The following BLMH variants were observed in gnomAD, a reference collection of about 807,000 sequenced individuals.
The protein encoded by BLMH is BLM hydrolase.
A neutral mutation model predicts 61.6 loss-of-function variants in BLMH; 32 were observed. The observed-to-expected ratio is 0.52, with a 90% CI of 0.39 to 0.70. The LOEUF (loss-of-function observed/expected upper bound fraction) is 0.70. BLMH is among the 30% of genes least tolerant of loss of function. The pLI is 0.00. For synonymous variants in BLMH, 183 were observed against 193.8 expected (o/e 0.94, Z 0.46); for missense variants, 460 against 555.5 (o/e 0.83, Z 1.73).
chr17:30,290,349 T>C (rs1171219954), intron 2 of BLMH, among the ~76,000 whole-genome samples: 1 of 152,228 alleles, frequency 6.6e-6, no homozygotes, highest in Non-Finnish European at 1.5e-5. Context: ...ATCTAAACTA[T>C]GTAGGACCAC....
chr17:30,252,005 A>G (rs1597655113), intron 11 of BLMH: 2 of 152,354 alleles, frequency 1.3e-5, no homozygotes, highest in South Asian at 4.1e-4. Flanking sequence ...ATTGTTTTAC[A>G]TTTTAATGTC....
chr17:30,251,742 G>A (rs1365497508), intron 11 of BLMH, among the ~76,000 whole-genome samples: 1 of 152,110 alleles, frequency 6.6e-6, no homozygotes, highest in Admixed American at 6.5e-5. Flanking sequence ...TTTCTAGCAA[G>A]AGGGTCCCCT....
chr17:30,248,698 AAC>A lies in BLMH; in HGVS notation c.*317_*318del. 1 of 281,990 alleles carries A rather than the reference AAC, an allele frequency of 3.5e-6. No individual in the cohort carries two copies. The highest frequency in any genetic ancestry group is 1.1e-3 in the Middle Eastern group (1 of 872). The allele number at this position is 281,990 out of a possible 1,614,324, so 17.5% of individuals were successfully genotyped here. On this transcript the variant is annotated 3_prime_UTR_variant, in exon 12 of 12. Transcript: ENST00000261714. The stretch of plus-strand genomic sequence containing the variant: ...ATCGCTCGTCCTCTCGTCTTATTAA[AAC>A]ACAGACACAGAACCAAACTTTTTGA...
chr17:30,281,078 G>T (rs1260682261), intron 6 of BLMH, among the ~76,000 whole-genome samples: 4 of 142,460 alleles, frequency 2.8e-5, no homozygotes, highest in East Asian at 2.0e-4. Flanking sequence ...TTTTTTTTTT[G>T]TTGTTTCTTT....
intron 6 of BLMH, among the ~76,000 whole-genome samples, chr17:30,274,933 C>T (rs796627212): frequency 3.8e-4 from 58 of 151,468 alleles, no homozygotes; most frequent in African/African-American, 1.2e-3. Context: ...GAGCCATGAT[C>T]GTGCCACTAC....
chr17:30,256,171 GC>G (rs1252834690), intron 11 of BLMH, among the ~76,000 whole-genome samples: 1 of 152,158 alleles, frequency 6.6e-6, no homozygotes, highest in Non-Finnish European at 1.5e-5. Flanking sequence ...ACAGGGGTAA[GC>G]CACTACACCT....
At chr17:30,257,391 A>G (rs1171523832) in intron 11 of BLMH, among the ~76,000 whole-genome samples, 1 of 152,246 alleles carries the variant, frequency 6.6e-6, no homozygotes, top group African/African-American at 2.4e-5. Context: ...CAGACGACCT[A>G]GTGTGCTACC....
chr17:30,289,668 G>A (rs1441123459), intron 2 of BLMH, among the ~76,000 whole-genome samples, 186 bp from the exon 3 acceptor site: 1 of 152,134 alleles, frequency 6.6e-6, no homozygotes, highest in East Asian at 1.9e-4. Context: ...TATATGCAAA[G>A]GTTTAATATC....
At chr17:30,287,521 A>G (rs939440224) in intron 4 of BLMH, among the ~76,000 whole-genome samples, 3 of 152,202 alleles carry the variant, frequency 2.0e-5, no homozygotes, top group African/African-American at 7.2e-5. Context: ...GTGTTTCCTG[A>G]TTACATCAAT....
chr17:30,252,513 A>G (rs1484452229), intron 11 of BLMH, among the ~76,000 whole-genome samples: 2 of 134,610 alleles, frequency 1.5e-5, no homozygotes, highest in Admixed American at 8.6e-5. Context: ...CCTGGGCAAC[A>G]TGGCGAAACC....
Position 30,248,873 on chromosome 17 carries a change from A to C in BLMH, c.*144T>G, listed in dbSNP as rs1031356068. On this transcript the variant is annotated 3_prime_UTR_variant, in exon 12 of 12. Coordinates refer to ENST00000261714, the MANE Select transcript of BLMH (RefSeq NM_000386.4). ...GTTTCAGCATAAAGCACACTTTCTG[A>C]AGAGGTTCCTGGTGGAGACTGGAAA... 3.7e-5 allele frequency: 38 copies of C among 1,019,218 alleles called. No homozygotes were observed. The highest frequency in any genetic ancestry group is 4.8e-5 in the Non-Finnish European group (33 of 689,856). 63.1% of individuals were successfully genotyped at this position (1,019,218 alleles called of 1,614,324 possible).
intron 10 of BLMH, among the ~76,000 whole-genome samples, chr17:30,269,259 C>T (rs2143021534): frequency 6.8e-6 from 1 of 147,866 alleles, no homozygotes; most frequent in African/African-American, 2.5e-5. Flanking sequence ...CTCACTGCAA[C>T]CTCCGCTTCC....
At chr17:30,262,223 T>C (rs1417963882) in intron 11 of BLMH, among the ~76,000 whole-genome samples, 1 of 152,240 alleles carries the variant, frequency 6.6e-6, no homozygotes, top group Non-Finnish European at 1.5e-5. Context: ...TATATTATGA[T>C]AATTCCACAT....
Position 30,249,094 on chromosome 17 carries a change from C to T in BLMH, c.1291G>A (p.Glu431Lys). 6.2e-6 allele frequency: 10 copies of T among 1,614,110 alleles called. No individual in the cohort carries two copies. Among genetic ancestry groups the T allele is most frequent in the Non-Finnish European group, 8.5e-6 (10 of 1,179,960 alleles). Residue 431 changes from glutamate to lysine, a missense_variant, in exon 12 of 12, where the codon GAA (glutamate) becomes AAA (lysine). Transcript: ENST00000261714. Reference sequence around the variant, plus strand: ...TGCTCTAACACAGCTAGCACCTCTTCAGGGACATGCTTCCTGTCCACCACC... The same window carrying T: ...TGCTCTAACACAGCTAGCACCTCTTTAGGGACATGCTTCCTGTCCACCACC... ...EVVVDRKHVP[E>K]EVLAVLEQEP...
intron 10 of BLMH, 38 bp from the exon 11 acceptor site, chr17:30,266,992 A>G (rs754375877): frequency 1.3e-6 from 2 of 1,588,606 alleles, no homozygotes; most frequent in South Asian, 1.1e-5. Flanking sequence ...GTCTGAAGCC[A>G]GATTCTCCCT....
chr17:30,272,579 C>T lies in BLMH; in HGVS notation c.1010G>A (p.Gly337Asp). Residue 337 changes from glycine to aspartate, a missense_variant, in exon 9 of 12, where the codon GGC (glycine) becomes GAC (aspartate). By Grantham distance (94) the Gly-to-Asp change is moderately conservative. This residue lies in a region of BLMH where 310 missense variants were observed against 371.1 expected (regional missense o/e 0.84). Transcript: ENST00000261714. Reference sequence around the variant, plus strand: ...CACTCACAGATTCATGTCACTGAGGCCCAGCTTGCTATTGAAGTGTTTTCC... The same window carrying T: ...CACTCACAGATTCATGTCACTGAGGTCCAGCTTGCTATTGAAGTGTTTTCC... ...DVGKHFNSKL[G>D]LSDMNLYDHE... 2 of 1,614,162 alleles carry T rather than the reference C, an allele frequency of 1.2e-6. No homozygotes were observed. The highest frequency in any genetic ancestry group is 1.7e-6 in the Non-Finnish European group (2 of 1,180,032).
chr17:30,289,260 G>T, intron 3 of BLMH, 113 bp downstream of exon 3: 2 of 537,630 alleles, frequency 3.7e-6, no homozygotes, highest in Non-Finnish European at 6.2e-6. Flanking sequence ...AATAAAAGGT[G>T]TCTCACCTAT....
In BLMH at chr17:30,286,813, C is replaced by T; in HGVS notation, c.552+1G>A. On this transcript the variant is annotated splice_donor_variant, in intron 5 of 11. Coordinates refer to ENST00000261714, the MANE Select transcript of BLMH (RefSeq NM_000386.4). LOFTEE classifies it high-confidence loss of function. ...ATCCCACCCTGCTTCATATATTGTA[C>T]CTTGTGATTCAGAATATCATTCATC... The T allele has an allele frequency of 6.4e-7, 1 of 1,574,080 alleles. No individual in the cohort carries two copies. The highest frequency in any genetic ancestry group is 8.7e-7 in the Non-Finnish European group (1 of 1,144,962).
intron 6 of BLMH, among the ~76,000 whole-genome samples, chr17:30,274,656 G>A (rs541578612): frequency 1.1e-4 from 16 of 152,058 alleles, no homozygotes; most frequent in Non-Finnish European, 2.4e-4. Flanking sequence ...TTTTCAGCTG[G>A]AGTTGGATGA....
Sources: gnomAD v4.1 joint callset for allele counts (sites outside exome capture counted in the v4.1 genomes callset) on GRCh38, gnomAD v4.1.1 for gene constraint, gnomAD v4.1.1 regional missense constraint, MANE v1.5 for transcripts, NCBI Gene and HGNC (gene_info 2026-07-23, HGNC 2026-07-21) for gene names.